The following RUNDC3B variants were observed in gnomAD, a reference collection of about 807,000 sequenced individuals.
The protein encoded by RUNDC3B is RUN domain containing 3B.
Under a neutral mutation model 58.4 loss-of-function variants are expected in RUNDC3B, and 33 were observed. The observed-to-expected ratio is 0.56, with a 90% confidence interval of 0.43 to 0.75. RUNDC3B has a LOEUF of 0.75. Among genes scored for constraint, RUNDC3B ranks in the 30% least tolerant of loss-of-function variants. The probability of loss-of-function intolerance (pLI) is 0.00; values close to 1 mark genes in which losing one functional copy is unlikely to be tolerated. For synonymous variants in RUNDC3B, 193 were observed against 195.2 expected, an observed-to-expected ratio of 0.99 and a Z score of 0.10; for missense variants, 501 against 535.7, an observed-to-expected ratio of 0.94 and a Z score of 0.64.
chr7:87,701,942 G>A (rs973829197), intron 3 of RUNDC3B, among the ~76,000 whole-genome samples: 6 of 151,926 alleles, frequency 3.9e-5, no homozygotes, highest in African/African-American at 1.5e-4. Flanking sequence ...AGGAGATCGA[G>A]ACCATCCTGG....
intron 6 of RUNDC3B, among the ~76,000 whole-genome samples, chr7:87,761,114 T>G (rs1240219200): frequency 6.6e-6 from 1 of 151,908 alleles, no homozygotes; most frequent in Non-Finnish European, 1.5e-5. Context: ...CATAAAGAAC[T>G]GCTACAACTT....
At chr7:87,649,969 A>G (rs966724584) in intron 1 of RUNDC3B, among the ~76,000 whole-genome samples, 1 of 152,190 alleles carries the variant, frequency 6.6e-6, no homozygotes. Context: ...AGCCATGTAG[A>G]ACAGTGAGTC....
At chr7:87,631,770 C>G (rs1821250641) in intron 1 of RUNDC3B, among the ~76,000 whole-genome samples, 1 of 152,120 alleles carries the variant, frequency 6.6e-6, no homozygotes, top group African/African-American at 2.4e-5. Flanking sequence ...GGAAATATAA[C>G]TGGGTTCTAG....
At chr7:87,755,523 C>T (rs530811348) in intron 6 of RUNDC3B, among the ~76,000 whole-genome samples, 139 of 152,190 alleles carry the variant, frequency 9.1e-4, no homozygotes, top group East Asian at 3.3e-3. Context: ...TCCAGCAGCA[C>T]GTCAAAAAGC....
At chr7:87,715,366 A>G (rs1217213333) in intron 4 of RUNDC3B, among the ~76,000 whole-genome samples, 1 of 118,586 alleles carries the variant, frequency 8.4e-6, no homozygotes, top group East Asian at 2.6e-4. Flanking sequence ...TAATTAATTT[A>G]TAATAATTAT....
intron 2 of RUNDC3B, among the ~76,000 whole-genome samples, chr7:87,694,249 T>C (rs1828294444): frequency 6.6e-6 from 1 of 152,192 alleles, no homozygotes; most frequent in Non-Finnish European, 1.5e-5. Flanking sequence ...TCAGGGAAGC[T>C]GTATGAATAT....
At chr7:87,755,381 A>G (rs573671876) in intron 6 of RUNDC3B, among the ~76,000 whole-genome samples, 47 of 152,266 alleles carry the variant, frequency 3.1e-4, no homozygotes, top group African/African-American at 1.0e-3. Flanking sequence ...CTCCTCCCCA[A>G]CTTATTCTAT....
chr7:87,686,606 A>C (rs28381744), intron 2 of RUNDC3B, among the ~76,000 whole-genome samples: 3,011 of 152,172 alleles, frequency 0.02, 45 homozygotes, highest in Middle Eastern at 0.034. Flanking sequence ...GGGATGTATT[A>C]GTGATTTTTG....
chr7:87,642,290 TCTA>T (rs932149817), intron 1 of RUNDC3B, among the ~76,000 whole-genome samples: 2 of 152,062 alleles, frequency 1.3e-5, no homozygotes, highest in African/African-American at 4.8e-5. Context: ...TTCGTAGCAT[TCTA>T]GTGTTGATAA....
chr7:87,806,017 A>T (rs761410359), intron 8 of RUNDC3B, among the ~76,000 whole-genome samples: 1 of 152,208 alleles, frequency 6.6e-6, no homozygotes, highest in Non-Finnish European at 1.5e-5. Flanking sequence ...AAGTACTTTA[A>T]AAGTCCTTTT....
chr7:87,675,646 T>G (rs1826257728), intron 2 of RUNDC3B, among the ~76,000 whole-genome samples: 1 of 76,646 alleles, frequency 1.3e-5, no homozygotes, highest in South Asian at 3.7e-4. Context: ...AACTGAATAT[T>G]CACATGCAAA....
At chr7:87,748,597 C>T (rs1249985758) in intron 6 of RUNDC3B, among the ~76,000 whole-genome samples, 1 of 152,140 alleles carries the variant, frequency 6.6e-6, no homozygotes, top group Non-Finnish European at 1.5e-5. Flanking sequence ...GTATATATGT[C>T]ACACATACAC....
chr7:87,753,663 G>T (rs1322925220), intron 6 of RUNDC3B, among the ~76,000 whole-genome samples: 1 of 152,108 alleles, frequency 6.6e-6, no homozygotes, highest in Non-Finnish European at 1.5e-5. Context: ...AATAGTAGTT[G>T]TATCTTTATA....
At chr7:87,659,776 C>T (rs1465409458) in intron 2 of RUNDC3B, among the ~76,000 whole-genome samples, 1 of 152,160 alleles carries the variant, frequency 6.6e-6, no homozygotes, top group Non-Finnish European at 1.5e-5. Context: ...TTATCTCCAC[C>T]TTCAGAATCT....
intron 2 of RUNDC3B, among the ~76,000 whole-genome samples, chr7:87,667,013 C>A (rs1460855787): frequency 1.3e-5 from 2 of 152,100 alleles, no homozygotes; most frequent in Non-Finnish European, 2.9e-5. Flanking sequence ...TGGTTTTTAT[C>A]TAGTTCTGTG....
chr7:87,720,026 A>G (rs1324579258), intron 4 of RUNDC3B, among the ~76,000 whole-genome samples: 1 of 151,204 alleles, frequency 6.6e-6, no homozygotes, highest in Non-Finnish European at 1.5e-5. Flanking sequence ...AAACTTTGCA[A>G]AGCAAAAACA....
At chr7:87,687,695 T>C (rs1201990959) in intron 2 of RUNDC3B, among the ~76,000 whole-genome samples, 4 of 152,178 alleles carry the variant, frequency 2.6e-5, no homozygotes, top group African/African-American at 9.7e-5. Context: ...GGATTTGGAC[T>C]CTTAAAACGA....
At chr7:87,766,571 C>T (rs1013473503) in intron 6 of RUNDC3B, among the ~76,000 whole-genome samples, 2 of 151,918 alleles carry the variant, frequency 1.3e-5, no homozygotes, top group African/African-American at 2.4e-5. Flanking sequence ...AAAAAGACCC[C>T]CAGTCTCTTC....
chr7:87,709,333 T>G (rs1468906906), intron 3 of RUNDC3B: 1 of 985,054 alleles, frequency 1.0e-6, no homozygotes, highest in African/African-American at 1.7e-5. Flanking sequence ...GCTACTAGTT[T>G]CTGTGTCTTT....
Sources: gnomAD v4.1 joint callset for allele counts (sites outside exome capture counted in the v4.1 genomes callset) on GRCh38, gnomAD v4.1.1 for gene constraint, MANE v1.5 for transcripts, NCBI Gene and HGNC (gene_info 2026-07-23, HGNC 2026-07-21) for gene names.